AGBL4: variants seen among roughly 807,000 people sequenced by gnomAD.
The protein encoded by AGBL4 is cytosolic carboxypeptidase 6.
Under a neutral mutation model 66.4 loss-of-function variants are expected in AGBL4, and 58 were observed. That is an observed-to-expected ratio of 0.87 (90% CI 0.71 to 1.09). The LOEUF is 1.09. Ranked by LOEUF, AGBL4 falls within the 50% of genes least tolerant of loss-of-function variation. The pLI is 0.00. For synonymous variants in AGBL4, 234 were observed against 222.9 expected, an observed-to-expected ratio of 1.05 and a Z score of -0.44; for missense variants, 579 against 631.0, an observed-to-expected ratio of 0.92 and a Z score of 0.88.
In AGBL4 at chr1:48,732,374, G is replaced by C. The variant is rs144391550; in HGVS notation, c.635-69133C>G. Among the ~76,000 whole-genome samples the C allele has an allele frequency of 3.1e-3, 472 of 152,272 alleles. 2 individuals are homozygous for C. The highest frequency in any genetic ancestry group is 0.011 in the African/African-American group (447 of 41,554). ...ACAGATTTGGGAATCATCATTCATT[G>C]AATCAACAAATATTTATTGAGCACT... On this transcript the variant is annotated intron_variant, in intron 6 of 13. Coordinates refer to ENST00000371839, the MANE Select transcript of AGBL4 (RefSeq NM_032785.4).
At chr1:48,658,712 T>A (rs893807141) in intron 7 of AGBL4, among the ~76,000 whole-genome samples, 1 of 151,816 alleles carries the variant, frequency 6.6e-6, no homozygotes, top group East Asian at 1.9e-4. Flanking sequence ...GAAGAACAGG[T>A]GAAGAAGAGA....
intron 2 of AGBL4, among the ~76,000 whole-genome samples, chr1:49,731,575 A>G (rs1649453504): frequency 6.6e-6 from 1 of 152,200 alleles, no homozygotes; most frequent in Non-Finnish European, 1.5e-5. Flanking sequence ...CATGAAACAT[A>G]TCAATTAGGC....
chr1:49,021,972 G>A (rs899231645), intron 5 of AGBL4, among the ~76,000 whole-genome samples: 5 of 152,108 alleles, frequency 3.3e-5, no homozygotes, highest in African/African-American at 1.2e-4. Context: ...CTCCATCCCT[G>A]TGAAATGGCA....
chr1:48,734,062 G>T (rs770993757), intron 6 of AGBL4, among the ~76,000 whole-genome samples: 3 of 152,180 alleles, frequency 2.0e-5, no homozygotes, highest in Non-Finnish European at 4.4e-5. Flanking sequence ...GGCAGGGCAG[G>T]GCTGCATCCC....
intron 4 of AGBL4, among the ~76,000 whole-genome samples, chr1:49,185,172 T>C (rs930052752): frequency 2.6e-5 from 4 of 152,190 alleles, no homozygotes; most frequent in Admixed American, 2.0e-4. Flanking sequence ...TTGTGTTCCA[T>C]AGGCTCTGTG....
intron 3 of AGBL4, among the ~76,000 whole-genome samples, chr1:49,283,226 C>G (rs1329896945): frequency 6.6e-6 from 1 of 152,206 alleles, no homozygotes; most frequent in African/African-American, 2.4e-5. Flanking sequence ...GACCCCCGAG[C>G]AGCCTAACTG....
At chr1:49,114,051 G>C (rs1355691085) in intron 4 of AGBL4, among the ~76,000 whole-genome samples, 1 of 152,208 alleles carries the variant, frequency 6.6e-6, no homozygotes, top group Admixed American at 6.5e-5. Context: ...AAGAGAGTCA[G>C]CCTGTCCTTT....
intron 3 of AGBL4, among the ~76,000 whole-genome samples, chr1:49,562,526 T>C (rs965418941): frequency 3.9e-5 from 6 of 152,208 alleles, no homozygotes; most frequent in Non-Finnish European, 5.9e-5. Flanking sequence ...TTTCTGCTTA[T>C]GGCTAGCCAG....
At chr1:49,061,981 G>T (rs1039312893) in intron 4 of AGBL4, among the ~76,000 whole-genome samples, 1 of 152,164 alleles carries the variant, frequency 6.6e-6, no homozygotes, top group Non-Finnish European at 1.5e-5. Flanking sequence ...GCGAGCAAGC[G>T]TTACTGCTTG....
chr1:48,789,524 T>C (rs531868530), intron 6 of AGBL4, among the ~76,000 whole-genome samples: 34 of 152,120 alleles, frequency 2.2e-4, no homozygotes, highest in East Asian at 3.9e-4. Flanking sequence ...CTCCTGACCT[T>C]GTGATCCTAC....
intron 11 of AGBL4, among the ~76,000 whole-genome samples, chr1:48,558,593 C>T (rs908134304): frequency 6.6e-6 from 1 of 152,188 alleles, no homozygotes; most frequent in African/African-American, 2.4e-5. Flanking sequence ...CAGGGAATTA[C>T]CCTTATGCTG....
At chr1:49,484,306 A>G (rs1647018088) in intron 3 of AGBL4, among the ~76,000 whole-genome samples, 1 of 152,098 alleles carries the variant, frequency 6.6e-6, no homozygotes, top group Admixed American at 6.6e-5. Context: ...TCCCATGTTT[A>G]TTTCAGCACT....
chr1:49,213,103 C>T (rs1289592511), intron 4 of AGBL4, among the ~76,000 whole-genome samples: 1 of 151,896 alleles, frequency 6.6e-6, no homozygotes, highest in Non-Finnish European at 1.5e-5. Flanking sequence ...GAACACTGTC[C>T]CTTTCCTTCA....
chr1:49,952,354 G>T (rs904238181), intron 1 of AGBL4, among the ~76,000 whole-genome samples: 1 of 151,642 alleles, frequency 6.6e-6, no homozygotes, highest in African/African-American at 2.4e-5. Flanking sequence ...CAATAAAAGT[G>T]GTGTATATAA....
intron 3 of AGBL4, among the ~76,000 whole-genome samples, chr1:49,309,123 G>A (rs1015496469): frequency 1.3e-5 from 2 of 152,130 alleles, no homozygotes; most frequent in African/African-American, 4.8e-5. Flanking sequence ...AAGGCTGGAA[G>A]GTAGGAAATG....
chr1:49,793,323 G>A (rs948823282), intron 2 of AGBL4, among the ~76,000 whole-genome samples: 4 of 151,968 alleles, frequency 2.6e-5, no homozygotes, highest in Non-Finnish European at 4.4e-5. Flanking sequence ...CATAGTGGGT[G>A]CTCTATCCGT....
intron 2 of AGBL4, among the ~76,000 whole-genome samples, chr1:49,787,513 A>AC (rs958547829): frequency 6.6e-6 from 1 of 152,026 alleles, no homozygotes; most frequent in Non-Finnish European, 1.5e-5. Context: ...AAAAAAAAAA[A>AC]AAAAAAATTG....
At chr1:49,291,046 G>A (rs1644523373) in intron 3 of AGBL4, among the ~76,000 whole-genome samples, 1 of 152,036 alleles carries the variant, frequency 6.6e-6, no homozygotes, top group Non-Finnish European at 1.5e-5. Flanking sequence ...GGATTGGGAG[G>A]GTTAACTTTT....
intron 6 of AGBL4, among the ~76,000 whole-genome samples, chr1:48,682,321 C>T (rs1157627577): frequency 6.6e-6 from 1 of 152,032 alleles, no homozygotes; most frequent in Non-Finnish European, 1.5e-5. Context: ...TTCCCTGGCT[C>T]TCTGGCTTGG....
Sources: gnomAD v4.1 joint callset for allele counts (sites outside exome capture counted in the v4.1 genomes callset) on GRCh38, gnomAD v4.1.1 for gene constraint, MANE v1.5 for transcripts, NCBI Gene and HGNC (gene_info 2026-07-23, HGNC 2026-07-21) for gene names.